The following CFAP43 variants were observed in gnomAD, a reference collection of about 807,000 sequenced individuals.
The protein encoded by CFAP43 is cilia and flagella associated protein 43.
A neutral mutation model predicts 218.9 loss-of-function variants in CFAP43; 155 were observed. The ratio of observed to expected loss-of-function variants is 0.71; its 90% CI spans 0.62 to 0.81. The LOEUF (loss-of-function observed/expected upper bound fraction) is 0.81. CFAP43 is among the 30% of genes least tolerant of loss of function. The pLI, the probability that CFAP43 is intolerant of heterozygous loss-of-function variation, is 0.00. For synonymous variants in CFAP43, 645 were observed against 681.3 expected, an observed-to-expected ratio of 0.95 and a Z score of 0.83; for missense variants, 1,778 against 1,954.3, an observed-to-expected ratio of 0.91 and a Z score of 1.70.
At chr10:104,167,290 A>G (rs557592404) in intron 22 of CFAP43, among the ~76,000 whole-genome samples, 1 of 152,308 alleles carries the variant, frequency 6.6e-6, no homozygotes, top group South Asian at 2.1e-4. Flanking sequence ...CTTAAAATAC[A>G]ATCCCTAGTG....
chr10:104,218,081 G>A (rs2091066371), intron 3 of CFAP43, among the ~76,000 whole-genome samples: 1 of 152,040 alleles, frequency 6.6e-6, no homozygotes, highest in African/African-American at 2.4e-5. Flanking sequence ...GGGCGCAGTG[G>A]CTCACGCCTG....
At chr10:104,212,197 A>C in intron 4 of CFAP43, 40 bp from the exon 5 acceptor site, 1 of 1,585,662 alleles carries the variant, frequency 6.3e-7, no homozygotes, top group Non-Finnish European at 8.6e-7. Flanking sequence ...AGATGAACAG[A>C]AACTTCTTAT....
intron 17 of CFAP43, among the ~76,000 whole-genome samples, chr10:104,181,245 T>A (rs1589720427): frequency 6.6e-6 from 1 of 152,154 alleles, no homozygotes; most frequent in East Asian, 1.9e-4. Context: ...TTGGGCCCTT[T>A]CTTTTCCTCT....
chr10:104,198,724 C>G (rs1193891380), intron 8 of CFAP43, among the ~76,000 whole-genome samples: 2 of 151,850 alleles, frequency 1.3e-5, no homozygotes, highest in Non-Finnish European at 1.5e-5. Flanking sequence ...AATCTTGGCT[C>G]ACTGCAACGT....
At chr10:104,231,272 A>C (rs2091441539) in intron 1 of CFAP43, among the ~76,000 whole-genome samples, 1 of 152,220 alleles carries the variant, frequency 6.6e-6, no homozygotes. Context: ...ACAACTTTGC[A>C]TAGGACAGCC....
In CFAP43 at chr10:104,167,685, A is replaced by G; in HGVS notation, c.2744T>C (p.Val915Ala). The G allele has an allele frequency of 6.2e-7, 1 of 1,612,504 alleles. No homozygotes were observed. The highest frequency in any genetic ancestry group is 1.7e-4 in the Middle Eastern group (1 of 6,056). Residue 915 changes from valine to alanine, a missense_variant, in exon 22 of 38, where the codon GTT becomes GCT. By Grantham distance (64) the Val-to-Ala change is moderately conservative. This residue lies in a region of CFAP43 where 1,553 missense variants were observed against 1,685.2 expected (regional missense o/e 0.92). Coordinates refer to ENST00000357060, the MANE Select transcript of CFAP43 (RefSeq NM_025145.7). The part of the protein sequence containing the change: ...VENFPMKART[V>A]EELKELERVL... ...TCTTTCCAATTCTTTCAGCTCTTCAACCGTGCGCGCTTTCATCGGGAAGTT... is the reference window on the plus strand; with the variant it reads ...TCTTTCCAATTCTTTCAGCTCTTCAGCCGTGCGCGCTTTCATCGGGAAGTT...
chr10:104,162,861 G>A (rs2088952590), intron 24 of CFAP43, among the ~76,000 whole-genome samples: 1 of 152,084 alleles, frequency 6.6e-6, no homozygotes, highest in African/African-American at 2.4e-5. Flanking sequence ...TTTATCCCAA[G>A]TGAAGTGAGC....
At chr10:104,203,649 C>A in intron 8 of CFAP43, 23 bp downstream of exon 8, 1 of 1,583,166 alleles carries the variant, frequency 6.3e-7, no homozygotes, top group Non-Finnish European at 8.6e-7. Context: ...AATCACATAT[C>A]AAGAAATTAC....
At position 104,164,113 on chromosome 10, in the gene CFAP43, A is replaced by G; in HGVS notation, c.3227T>C (p.Leu1076Pro). 1 of 1,614,202 alleles carries G rather than the reference A, an allele frequency of 6.2e-7. No homozygotes were observed. The highest frequency in any genetic ancestry group is 1.3e-5 in the African/African-American group (1 of 75,052). The change falls in exon 24 of 38, where the codon CTT (leucine) becomes CCT (proline). Residue 1076 changes from leucine to proline, a missense_variant. By Grantham distance (98) the Leu-to-Pro change is moderately conservative. This residue lies in a region of CFAP43 where 1,553 missense variants were observed against 1,685.2 expected (regional missense o/e 0.92). Coordinates refer to ENST00000357060, the MANE Select transcript of CFAP43 (RefSeq NM_025145.7). ...FEDCEKPERT[L>P]VVQDEEITAH... The stretch of plus-strand genomic sequence containing the variant: ...CAGTACCTCCTCATCTTGCACAACA[A>G]GCGTTCTCTCTGGCTTCTCACAGTC...
rs972015963 is a variant in CFAP43, at chr10:104,168,215, G to C, written c.2692-478C>G. 2.6e-5 allele frequency among the ~76,000 whole-genome samples: 4 copies of C among 152,146 alleles called. No individual in the cohort carries two copies. The South Asian group carries it at 8.3e-4, about 32-fold the overall frequency. On this transcript the variant is annotated intron_variant, in intron 21 of 37. Transcript: ENST00000357060. ...AGCAATATCCATCACATAAAATGTA[G>C]GGTGGCCGTATACTTCATTGTCCAC...
Position 104,192,245 on chromosome 10 carries a change from A to G in CFAP43, c.1500T>C (p.Ile500=), listed in dbSNP as rs761283595. ...LVGTAEGKVF[I]INANSSSSFQ... The stretch of plus-strand genomic sequence containing the variant: ...ATGAGCTTGAGGAGTTGGCATTGAT[A>G]ATAAAGACTTTTCCTTCTGCTGTTC... Residue 500 remains isoleucine, a synonymous_variant, in exon 12 of 38, where the codon ATT becomes ATC. Coordinates refer to ENST00000357060, the MANE Select transcript of CFAP43 (RefSeq NM_025145.7). 6.2e-7 allele frequency: 1 copy of G among 1,613,232 alleles called. No homozygotes were observed. Among genetic ancestry groups the G allele is most frequent in the Non-Finnish European group, 8.5e-7 (1 of 1,179,758 alleles).
intron 19 of CFAP43, among the ~76,000 whole-genome samples, chr10:104,174,896 A>T (rs902236138): frequency 2.6e-4 from 40 of 151,788 alleles, no homozygotes; most frequent in African/African-American, 9.7e-4. Context: ...TCTACTAAAA[A>T]TACAAAAAAT....
At position 104,205,974 on chromosome 10, in the gene CFAP43, C is replaced by G; in HGVS notation, c.952G>C (p.Ala318Pro). 6.2e-7 allele frequency: 1 copy of G among 1,607,160 alleles called. No homozygotes were observed. Among genetic ancestry groups the G allele is most frequent in the Non-Finnish European group, 8.5e-7 (1 of 1,178,452 alleles). The part of the protein sequence containing the change: ...TLVYQKEGVL[A>P]SGIDGFVYSF... The stretch of plus-strand genomic sequence containing the variant: ...AAAGAATACATTACAATTCCAGAAG[C>G]CAGCACGCCCTCCTTCTGATATACC... Residue 318 changes from alanine to proline, a missense_variant, in exon 7 of 38, where the codon GCT becomes CCT. Transcript: ENST00000357060.
chr10:104,200,012 C>T (rs796776444), intron 8 of CFAP43, among the ~76,000 whole-genome samples: 3 of 152,100 alleles, frequency 2.0e-5, no homozygotes, highest in African/African-American at 7.2e-5. Flanking sequence ...AGGAACTCCC[C>T]AAACCTCCAT....
At chr10:104,225,581 GGATTTGATTAT>G in intron 2 of CFAP43, 24 bp from the exon 3 acceptor site, 3 of 1,580,816 alleles carry the variant, frequency 1.9e-6, no homozygotes, top group Non-Finnish European at 2.6e-6. Context: ...TCCATTATCA[GGATTTGATTAT>G]GTTAAGACCA....
At chr10:104,223,157 T>C (rs890463878) in intron 3 of CFAP43, among the ~76,000 whole-genome samples, 3 of 152,230 alleles carry the variant, frequency 2.0e-5, no homozygotes, top group Non-Finnish European at 4.4e-5. Flanking sequence ...GGTGGGCATG[T>C]AGAATGAGCA....
At chr10:104,228,638 T>A (rs1196635156) in intron 2 of CFAP43, among the ~76,000 whole-genome samples, 2 of 152,162 alleles carry the variant, frequency 1.3e-5, no homozygotes, top group African/African-American at 4.8e-5. Context: ...AGGCTTTCCA[T>A]CCAGGAATAT....
At chr10:104,227,021 A>G (rs2091321514) in intron 2 of CFAP43, among the ~76,000 whole-genome samples, 5 of 151,970 alleles carry the variant, frequency 3.3e-5, no homozygotes, top group Admixed American at 2.6e-4. Context: ...CTGTCTCATC[A>G]TATATATATA....
chr10:104,192,379 A>C, intron 11 of CFAP43, 77 bp from the exon 12 acceptor site: 1 of 1,004,748 alleles, frequency 1.0e-6, no homozygotes, highest in Non-Finnish European at 1.5e-6. Flanking sequence ...TTGAATGGCC[A>C]CAGAGATATG....
Sources: allele counts gnomAD v4.1 joint callset (sites outside exome capture counted in the v4.1 genomes callset), GRCh38; gene constraint gnomAD v4.1.1; regional missense constraint gnomAD v4.1.1; transcripts MANE v1.5; gene names NCBI Gene and HGNC (gene_info 2026-07-23, HGNC 2026-07-21).